The following KLHDC10 variants were observed in gnomAD, a reference collection of about 807,000 sequenced individuals.
The protein encoded by KLHDC10 is kelch domain containing 10.
In KLHDC10, 24 loss-of-function variants were observed where a neutral mutation model predicts 56.1. That is an observed-to-expected ratio of 0.43 (90% CI 0.31 to 0.60). KLHDC10 has a LOEUF of 0.60. Ranked by LOEUF, KLHDC10 falls within the 20% of genes least tolerant of loss-of-function variation. The probability of loss-of-function intolerance (pLI) is 0.11; values close to 1 mark genes in which losing one functional copy is unlikely to be tolerated. For synonymous variants in KLHDC10, 188 were observed against 207.1 expected, an observed-to-expected ratio of 0.91 and a Z score of 0.79; for missense variants, 349 against 567.0, an observed-to-expected ratio of 0.62 and a Z score of 3.91.
chr7:130,078,021 T>C (rs1479374430), intron 1 of KLHDC10, among the ~76,000 whole-genome samples: 3 of 152,162 alleles, frequency 2.0e-5, no homozygotes, highest in African/African-American at 4.8e-5. Context: ...TAAATAATCA[T>C]ATCATTACTG....
chr7:130,070,926 A>G (rs1795400065), intron 1 of KLHDC10, 117 bp downstream of exon 1: 3 of 636,510 alleles, frequency 4.7e-6, no homozygotes, highest in Middle Eastern at 4.0e-4. Context: ...CACGCATAGC[A>G]GAGGGACTGG....
chr7:130,098,856 A>G (rs1177825783), intron 2 of KLHDC10, among the ~76,000 whole-genome samples: 1 of 152,086 alleles, frequency 6.6e-6, no homozygotes, highest in Non-Finnish European at 1.5e-5. Flanking sequence ...TTGTTTTTCA[A>G]TTTTTTGATT....
At chr7:130,089,201 T>C (rs1795736177) in intron 1 of KLHDC10, among the ~76,000 whole-genome samples, 1 of 152,100 alleles carries the variant, frequency 6.6e-6, no homozygotes, top group Admixed American at 6.6e-5. Context: ...ACAAAAAAAA[T>C]TGAAAAAGAC....
At chr7:130,100,108 TA>T (rs34550140) in intron 2 of KLHDC10, among the ~76,000 whole-genome samples, 189 of 142,532 alleles carry the variant, frequency 1.3e-3, no homozygotes, top group Middle Eastern at 7.3e-3. Context: ...CCTGTCTCAT[TA>T]AAAAAAAAAA....
rs763730583 is a variant in KLHDC10 at position 130,130,507 on chromosome 7, T to C, written c.1120-30T>C. 6 of 1,573,514 alleles carry C rather than the reference T, an allele frequency of 3.8e-6. No homozygotes were observed. In the South Asian group the frequency reaches 5.5e-5, roughly 15 times the overall value. ...TCAGCCTTGTATGTTTCTCTCCCGT[T>C]TGAATTTGTCCTCTTTTGACTACTC... On this transcript the variant is annotated intron_variant, in intron 9 of 9. Transcript: ENST00000335420. The surrounding 1 kb of genome is among the most constrained non-coding windows in gnomAD (Gnocchi z 4.2).
At chr7:130,091,760 CTTAAAGGTT>C (rs1795776362) in intron 1 of KLHDC10, among the ~76,000 whole-genome samples, 1 of 152,032 alleles carries the variant, frequency 6.6e-6, no homozygotes, top group South Asian at 2.1e-4. Flanking sequence ...CATATTTAGA[CTTAAAGGTT>C]TTACTGGTTT....
At chr7:130,126,677 AAAAT>A (rs150440726) in intron 7 of KLHDC10, among the ~76,000 whole-genome samples, 4 of 152,206 alleles carry the variant, frequency 2.6e-5, no homozygotes, top group South Asian at 4.1e-4. Flanking sequence ...CTCTGTCAAA[AAAAT>A]AAATAAATAA....
At chr7:130,081,002 T>TTC (rs1795597011) in intron 1 of KLHDC10, among the ~76,000 whole-genome samples, 1 of 147,296 alleles carries the variant, frequency 6.8e-6, no homozygotes, top group Admixed American at 6.7e-5. Context: ...CAGTTTTCTT[T>TTC]TTTTTTTTTT....
chr7:130,094,164 G>A (rs1036755852), intron 1 of KLHDC10, among the ~76,000 whole-genome samples: 1 of 152,052 alleles, frequency 6.6e-6, no homozygotes, highest in African/African-American at 2.4e-5. Context: ...GGCCTCAAGT[G>A]ATCTGCCCGC....
intron 9 of KLHDC10, 93 bp downstream of exon 9, chr7:130,129,669 C>A: frequency 2.6e-6 from 3 of 1,173,958 alleles, no homozygotes; most frequent in Non-Finnish European, 3.6e-6. Flanking sequence ...CAGATATAGG[C>A]AAACCTTAGA....
At chr7:130,088,711 C>T (rs550151659) in intron 1 of KLHDC10, among the ~76,000 whole-genome samples, 16 of 147,184 alleles carry the variant, frequency 1.1e-4, no homozygotes, top group East Asian at 4.1e-4. Flanking sequence ...GGCACAATCT[C>T]GGCTCACTGC....
In KLHDC10 at chr7:130,102,283, C is replaced by A. The variant is rs115150469; in HGVS notation, c.253+5276C>A. On this transcript the variant is annotated intron_variant, in intron 2 of 9. Transcript: ENST00000335420. ...TTTGGGTTTTGGAGGCAAATTAATACAACTGTTGAGGAAACACATGTTTCT... is the reference window on the plus strand; with the variant it reads ...TTTGGGTTTTGGAGGCAAATTAATAAAACTGTTGAGGAAACACATGTTTCT... Among the ~76,000 whole-genome samples the A allele has an allele frequency of 3.6e-3, 546 of 152,260 alleles. 4 individuals are homozygous for A. Among genetic ancestry groups the A allele is most frequent in the African/African-American group, 0.013 (526 of 41,562 alleles).
intron 1 of KLHDC10, among the ~76,000 whole-genome samples, chr7:130,095,167 G>A (rs1227069845): frequency 6.6e-6 from 1 of 151,532 alleles, no homozygotes; most frequent in Admixed American, 6.6e-5. Flanking sequence ...TTAAAACAAT[G>A]GTTCTCTAAG....
At chr7:130,097,080 A>C in intron 2 of KLHDC10, 73 bp downstream of exon 2, 6 of 1,039,446 alleles carry the variant, frequency 5.8e-6, no homozygotes, top group Non-Finnish European at 8.4e-6. Flanking sequence ...TTCTAAGCTC[A>C]AAACTCTGGT....
At position 130,132,281 on chromosome 7, in the gene KLHDC10, CCT is replaced by C. The variant is rs1459361035; in HGVS notation, c.*1538_*1539del. On this transcript the variant is annotated 3_prime_UTR_variant, in exon 10 of 10. Transcript: ENST00000335420. ...TTGGAACACATCTTTCCTTTAAGTG[CCT>C]CTTTTTTCACCTAGCTTTTAAAGTT... is the stretch of plus-strand genomic sequence containing the variant. The C allele has an allele frequency of 6.6e-6, 1 of 152,128 alleles. No individual in the cohort carries two copies. Among genetic ancestry groups the C allele is most frequent in the Non-Finnish European group, 1.5e-5 (1 of 68,034 alleles). 9.4% of individuals were successfully genotyped at this position (152,128 alleles called of 1,614,324 possible). A position where few individuals can be genotyped will look rare whatever the true frequency, so the allele number is the denominator to read the frequency against.
At position 130,130,588 on chromosome 7, in the gene KLHDC10, C is replaced by T. The variant is rs1563108272; in HGVS notation, c.1171C>T (p.Arg391Trp). 1 of 1,614,032 alleles carries T rather than the reference C, an allele frequency of 6.2e-7. No homozygotes were observed. Among genetic ancestry groups the T allele is most frequent in the Non-Finnish European group, 8.5e-7 (1 of 1,180,008 alleles). Reference protein sequence around the residue: ...GGVVNIHENKRTGSLFKIWLV... With the variant: ...GGVVNIHENKWTGSLFKIWLV... ...AGTGGTGAACATCCATGAAAACAAA[C>T]GGACTGGGTCATTGTTTAAGATCTG... is the stretch of plus-strand genomic sequence containing the variant. The change falls in exon 10 of 10, where the codon CGG becomes TGG. Residue 391 changes from arginine to tryptophan, a missense_variant. Arg to Trp is a moderately radical substitution (Grantham distance 101). Coordinates refer to ENST00000335420, the MANE Select transcript of KLHDC10 (RefSeq NM_014997.4). This position sits in a 1 kb window ranked among gnomAD's most constrained non-coding sequence, Gnocchi z 4.2.
chr7:130,127,097 C>T (rs1796325148), intron 7 of KLHDC10, among the ~76,000 whole-genome samples: 1 of 152,200 alleles, frequency 6.6e-6, no homozygotes, highest in Admixed American at 6.5e-5. Context: ...CAGTGAGACC[C>T]TGTCTCTAAA....
At chr7:130,092,641 G>A (rs940737090) in intron 1 of KLHDC10, among the ~76,000 whole-genome samples, 5 of 152,138 alleles carry the variant, frequency 3.3e-5, no homozygotes. Context: ...GATTGTTCTA[G>A]CTGGAGAGTG....
At chr7:130,096,521 G>T (rs1795850363) in intron 1 of KLHDC10, among the ~76,000 whole-genome samples, 1 of 152,094 alleles carries the variant, frequency 6.6e-6, no homozygotes. Flanking sequence ...GAAGAGAACA[G>T]GAGCCTCTGT....
Sources: allele counts gnomAD v4.1 joint callset (sites outside exome capture counted in the v4.1 genomes callset), GRCh38; gene constraint gnomAD v4.1.1; non-coding constraint Gnocchi (gnomAD v3.1); transcripts MANE v1.5; gene names NCBI Gene and HGNC (gene_info 2026-07-23, HGNC 2026-07-21).